The following TUSC3 variants were observed in gnomAD, a reference collection of about 807,000 sequenced individuals.
The protein encoded by TUSC3 is dolichyl-diphosphooligosaccharide--protein glycosyltransferase subunit TUSC3.
In TUSC3, 45 loss-of-function variants were observed where a neutral mutation model predicts 44.8. The observed-to-expected ratio is 1.00, with a 90% CI of 0.79 to 1.29. The LOEUF is 1.29. TUSC3 is among the 50% of genes most tolerant of loss of function. The pLI, the probability that TUSC3 is intolerant of heterozygous loss-of-function variation, is 0.00. For synonymous variants in TUSC3, 212 were observed against 152.9 expected (o/e 1.39, Z -2.85); for missense variants, 519 against 437.9 (o/e 1.19, Z -1.65).
intron 6 of TUSC3, chr8:15,689,040 G>C: frequency 3.2e-6 from 1 of 309,738 alleles, no homozygotes; most frequent in Non-Finnish European, 6.4e-6. Context: ...AGTGCAGGGG[G>C]ATGACTCGTC....
chr8:15,438,073 T>C (rs1799973159), intron 1 of TUSC3, among the ~76,000 whole-genome samples: 1 of 152,188 alleles, frequency 6.6e-6, no homozygotes, highest in Admixed American at 6.5e-5. Flanking sequence ...TTGTTGTGTT[T>C]TTTTAGCTTT....
intron 1 of TUSC3, among the ~76,000 whole-genome samples, chr8:15,424,360 A>G (rs530881119): frequency 7.2e-5 from 11 of 152,094 alleles, no homozygotes; most frequent in Admixed American, 6.6e-4. Flanking sequence ...TTCCCCTCCC[A>G]GTATTTATCC....
chr8:15,659,889 AT>A (rs1184637435), intron 4 of TUSC3, among the ~76,000 whole-genome samples: 1 of 152,090 alleles, frequency 6.6e-6, no homozygotes, highest in Non-Finnish European at 1.5e-5. Flanking sequence ...GCACAAGGTA[AT>A]TTCAGAGGCT....
chr8:15,463,884 T>A (rs1800380824), intron 1 of TUSC3, among the ~76,000 whole-genome samples: 1 of 152,226 alleles, frequency 6.6e-6, no homozygotes, highest in Non-Finnish European at 1.5e-5. Context: ...TATAATGTTC[T>A]TATTTCCTTC....
chr8:15,638,515 CTTTTTTTTTTTTTTT>C (rs547743726), intron 2 of TUSC3, among the ~76,000 whole-genome samples: 1,627 of 81,186 alleles, frequency 0.02, 27 homozygotes, highest in Middle Eastern at 0.038. Flanking sequence ...TTCTTTTTTT[CTTTTTTTTTTTTTTT>C]TTTTTTTTTG....
intron 1 of TUSC3, among the ~76,000 whole-genome samples, chr8:15,604,298 G>T (rs1804427110): frequency 6.6e-6 from 1 of 151,588 alleles, no homozygotes; most frequent in African/African-American, 2.4e-5. Context: ...GAGGGGGAAA[G>T]TAAGATGGGA....
intron 7 of TUSC3, among the ~76,000 whole-genome samples, chr8:15,735,204 C>A (rs1017673838): frequency 6.6e-6 from 1 of 152,092 alleles, no homozygotes; most frequent in Non-Finnish European, 1.5e-5. Flanking sequence ...GGCAGTCGTT[C>A]TGGCTGCTGG....
chr8:15,597,466 T>C (rs1804119575), intron 1 of TUSC3, among the ~76,000 whole-genome samples: 2 of 152,150 alleles, frequency 1.3e-5, no homozygotes, highest in African/African-American at 4.8e-5. Flanking sequence ...TGATGTATTT[T>C]TTCTTTGTCT....
At chr8:15,445,463 G>C (rs998334905) in intron 1 of TUSC3, among the ~76,000 whole-genome samples, 1 of 152,222 alleles carries the variant, frequency 6.6e-6, no homozygotes, top group East Asian at 1.9e-4. Flanking sequence ...AGGACCCTGC[G>C]GCCTTCCGCA....
intron 1 of TUSC3, among the ~76,000 whole-genome samples, chr8:15,470,007 G>T (rs773689447): frequency 7.2e-5 from 11 of 151,984 alleles, no homozygotes; most frequent in Non-Finnish European, 1.2e-4. Flanking sequence ...TGTAATCCCA[G>T]TACTTTGGAA....
At chr8:15,774,640 G>A in the TUSC3 span, among the ~76,000 whole-genome samples, 24 of 152,196 alleles carry the variant, frequency 1.6e-4, no homozygotes, top group South Asian at 4.6e-3. Context: ...CTTTGTTACA[G>A]CAGCTCTAGG....
intron 2 of TUSC3, among the ~76,000 whole-genome samples, chr8:15,503,777 T>C (rs4831730): frequency 0.91 from 137,970 of 152,022 alleles, 62,763 homozygotes; most frequent in Non-Finnish European, 0.94. Context: ...CTGAGGCGGG[T>C]GAATCACTTG....
At chr8:15,783,300 C>T in the TUSC3 span, among the ~76,000 whole-genome samples, 98,915 of 151,982 alleles carry the variant, frequency 0.65, 33,187 homozygotes, top group African/African-American at 0.8. Flanking sequence ...TTTTAATGTG[C>T]TATCCACTAA....
chr8:15,567,583 G>A (rs146281527), intron 1 of TUSC3, among the ~76,000 whole-genome samples: 152 of 152,148 alleles, frequency 1.0e-3, no homozygotes, highest in African/African-American at 3.4e-3. Context: ...CTCTTGTATC[G>A]CTTTTTAAAT....
At chr8:15,486,593 C>A (rs952768050) in intron 2 of TUSC3, among the ~76,000 whole-genome samples, 6 of 151,752 alleles carry the variant, frequency 4.0e-5, no homozygotes, top group African/African-American at 1.5e-4. Flanking sequence ...TACAGGCGCC[C>A]GCCACCATGC....
intron 2 of TUSC3, among the ~76,000 whole-genome samples, chr8:15,489,783 C>A (rs76744934): frequency 0.058 from 8,791 of 152,208 alleles, 277 homozygotes; most frequent in South Asian, 0.11. Context: ...CTCTTCCCAT[C>A]GTGGCCTAAA....
chr8:15,433,731 A>G (rs1410928960), intron 1 of TUSC3, among the ~76,000 whole-genome samples: 1 of 152,080 alleles, frequency 6.6e-6, no homozygotes, highest in Non-Finnish European at 1.5e-5. Context: ...TGTTTGCTTG[A>G]GTGTTTTTGA....
the TUSC3 span, chr8:15,807,315 T>C: frequency 4.9e-5 from 22 of 451,396 alleles, no homozygotes; most frequent in Non-Finnish European, 8.9e-5. Flanking sequence ...CTATTAAAAG[T>C]CAAAAATCAT....
rs151198250 is a variant in TUSC3 at position 15,495,394 on chromosome 8, G to C, written n.189+11911G>C. Among the ~76,000 whole-genome samples, 372 of 152,256 alleles carry C rather than the reference G, an allele frequency of 2.4e-3. 4 individuals carry two copies. The highest frequency in any genetic ancestry group is 8.4e-3 in the African/African-American group (349 of 41,528). ...CAATTATTTATCTTCCTAGTATATA[G>C]TTTAAAACCGTGGAAATGACCTTCA... On this transcript the variant is annotated intron_variant and non_coding_transcript_variant, in intron 2 of 5. Transcript: ENST00000503191.
Sources: allele counts gnomAD v4.1 joint callset (sites outside exome capture counted in the v4.1 genomes callset), GRCh38; gene constraint gnomAD v4.1.1; transcripts MANE v1.5; gene names NCBI Gene and HGNC (gene_info 2026-07-23, HGNC 2026-07-21).